Variants in DDX60L observed in about 807,000 individuals in gnomAD.
DDX60L encodes DExD/H-box 60 like.
A neutral mutation model predicts 211.6 loss-of-function variants in DDX60L; 191 were observed. That is an observed-to-expected ratio of 0.90 (90% CI 0.80 to 1.02). DDX60L has a LOEUF of 1.02. Ranked by LOEUF, DDX60L falls within the 50% of genes least tolerant of loss-of-function variation. The pLI, the probability that DDX60L is intolerant of heterozygous loss-of-function variation, is 0.00. For missense variants in DDX60L, 2,007 were observed against 1,984.1 expected (o/e 1.01, Z -0.22); for synonymous variants, 706 against 694.1 (o/e 1.02, Z -0.27).
intron 9 of DDX60L, among the ~76,000 whole-genome samples, chr4:168,446,585 C>T (rs1754837881): frequency 6.6e-6 from 1 of 152,062 alleles, no homozygotes; most frequent in Non-Finnish European, 1.5e-5. Flanking sequence ...CAATCCTAAG[C>T]CAAAAGAACA....
At chr4:168,398,133 G>A (rs550957042) in intron 26 of DDX60L, among the ~76,000 whole-genome samples, 1 of 152,236 alleles carries the variant, frequency 6.6e-6, no homozygotes, top group South Asian at 2.1e-4. Flanking sequence ...GCCCAGGAAG[G>A]CCCCCTTCCC....
intron 26 of DDX60L, among the ~76,000 whole-genome samples, chr4:168,397,516 C>T (rs1746010578): frequency 6.6e-6 from 1 of 152,102 alleles, no homozygotes; most frequent in South Asian, 2.1e-4. Context: ...AGATTTTAAA[C>T]AAAAGATGTG....
intron 5 of DDX60L, among the ~76,000 whole-genome samples, chr4:168,460,585 C>T (rs1295655274): frequency 6.6e-6 from 1 of 151,898 alleles, no homozygotes; most frequent in African/African-American, 2.4e-5. Context: ...ACCTTTTATT[C>T]GTAAAGGAAA....
At chr4:168,365,746 C>A (rs112597318) in intron 36 of DDX60L, among the ~76,000 whole-genome samples, 1,538 of 152,142 alleles carry the variant, frequency 0.01, 28 homozygotes, top group African/African-American at 0.034. Flanking sequence ...AGGCCAATAT[C>A]TCTGATAAAC....
intron 4 of DDX60L, chr4:168,471,543 T>G: frequency 2.4e-6 from 1 of 416,640 alleles, no homozygotes; most frequent in Non-Finnish European, 4.1e-6. Context: ...AACATAGAGT[T>G]GAGGGAAAAA....
chr4:168,465,527 T>C (rs1313131558), intron 4 of DDX60L, among the ~76,000 whole-genome samples: 2 of 152,178 alleles, frequency 1.3e-5, no homozygotes, highest in Non-Finnish European at 2.9e-5. Context: ...CTTTTGCTTT[T>C]GCTACCTGTG....
At chr4:168,378,231 C>A (rs1347208161) in intron 33 of DDX60L, 123 bp downstream of exon 33, 8 of 508,374 alleles carry the variant, frequency 1.6e-5, no homozygotes, top group Non-Finnish European at 2.6e-5. Flanking sequence ...TATGAAAAGA[C>A]AACACTATTA....
intron 30 of DDX60L, among the ~76,000 whole-genome samples, chr4:168,382,861 AC>A (rs1184116156): frequency 7.5e-4 from 114 of 152,296 alleles, no homozygotes; most frequent in African/African-American, 2.5e-3. Flanking sequence ...CTAAAGCAAA[AC>A]AAAAAAAACC....
chr4:168,391,087 C>G (rs1325693849), intron 29 of DDX60L, among the ~76,000 whole-genome samples: 4 of 152,024 alleles, frequency 2.6e-5, no homozygotes, highest in Admixed American at 2.0e-4. Flanking sequence ...AAGTCAAAAC[C>G]TACCTAATTT....
At position 168,404,095 on chromosome 4, in the gene DDX60L, T is replaced by C; in HGVS notation, c.3225A>G (p.Val1075=). 7.2e-7 allele frequency: 1 copy of C among 1,387,988 alleles called. No homozygotes were observed. Among genetic ancestry groups the C allele is most frequent in the East Asian group, 2.9e-5 (1 of 34,718 alleles). 86.0% of individuals were successfully genotyped at this position (1,387,988 alleles called of 1,614,324 possible). The change falls in exon 25 of 38, where the codon GTA becomes GTG. Residue 1075 remains valine (V), a synonymous_variant. Transcript: ENST00000682922. ...KNGQVKKVKR[V]LKNLSPDSLS... The stretch of plus-strand genomic sequence containing the variant: ...ATGAATCCGGACTAAGGTTCTTCAG[T>C]ACTCTTTTGACCTACAACAGTAAGT...
chr4:168,357,123 G>A lies in DDX60L; in HGVS notation c.*1024C>T, dbSNP rs905382692. The A allele has an allele frequency of 6.6e-5, 10 of 151,938 alleles. No individual in the cohort carries two copies. The South Asian group carries it at 8.3e-4, about 13-fold the overall frequency. 9.4% of individuals were successfully genotyped at this position (151,938 alleles called of 1,614,324 possible). On this transcript the variant is annotated 3_prime_UTR_variant, in exon 38 of 38. Transcript: ENST00000682922. ...CAGAAACAATCTGAATTCCATATTC[G>A]GGTTCACAGGGTATATATATTTTTT...
intron 13 of DDX60L, among the ~76,000 whole-genome samples, chr4:168,429,154 T>C (rs184390650): frequency 3.2e-3 from 475 of 149,332 alleles, no homozygotes; most frequent in African/African-American, 0.011. Context: ...ATTCCTTTTC[T>C]TTTTTTTTTA....
At chr4:168,440,918 A>G (rs541875669) in intron 10 of DDX60L, among the ~76,000 whole-genome samples, 2 of 152,166 alleles carry the variant, frequency 1.3e-5, no homozygotes, top group Non-Finnish European at 2.9e-5. Flanking sequence ...CAGACATTAT[A>G]CCGAGAGGAA....
At chr4:168,459,104 G>T in intron 5 of DDX60L, among the ~76,000 whole-genome samples, 1 of 152,040 alleles carries the variant, frequency 6.6e-6, no homozygotes. Context: ...ACAGTCCAAA[G>T]GGGGTGAGAA....
chr4:168,449,655 AAAAAAAAAAAG>A (rs1579733559), intron 8 of DDX60L, among the ~76,000 whole-genome samples: 1 of 72,858 alleles, frequency 1.4e-5, no homozygotes, highest in Non-Finnish European at 2.7e-5. Context: ...AAAAATGCAA[AAAAAAAAAAAG>A]AAAAAAGAAA....
chr4:168,474,414 CAAAT>C (rs942382545), intron 1 of DDX60L, among the ~76,000 whole-genome samples: 5 of 151,874 alleles, frequency 3.3e-5, no homozygotes, highest in Admixed American at 2.0e-4. Flanking sequence ...CCAAAAATGA[CAAAT>C]AAATAAACAA....
chr4:168,378,315 C>A, intron 33 of DDX60L, 39 bp downstream of exon 33: 2 of 1,153,140 alleles, frequency 1.7e-6, no homozygotes, highest in Non-Finnish European at 2.5e-6. Context: ...CATTTAATAA[C>A]TATCATTATT....
intron 9 of DDX60L, among the ~76,000 whole-genome samples, chr4:168,445,554 A>T (rs1397626665): frequency 6.6e-6 from 1 of 152,174 alleles, no homozygotes; most frequent in African/African-American, 2.4e-5. Flanking sequence ...TCTGATACCA[A>T]AGCCAGGCAG....
intron 13 of DDX60L, among the ~76,000 whole-genome samples, chr4:168,428,736 C>T (rs1751862776): frequency 6.6e-6 from 1 of 152,160 alleles, no homozygotes; most frequent in Non-Finnish European, 1.5e-5. Context: ...CTAATGAAAT[C>T]CCCTCTGATG....
Sources: gnomAD v4.1 joint callset for allele counts (sites outside exome capture counted in the v4.1 genomes callset) on GRCh38, gnomAD v4.1.1 for gene constraint, MANE v1.5 for transcripts, NCBI Gene and HGNC (gene_info 2026-07-23, HGNC 2026-07-21) for gene names.